Variants in DNAH9 observed in about 807,000 individuals in gnomAD.
DNAH9 encodes the protein dynein axonemal heavy chain 9, also known as DNAH9 variant protein.
In DNAH9, 345 loss-of-function variants were observed where a neutral mutation model predicts 471.6. That is an observed-to-expected ratio of 0.73 (90% confidence interval 0.67 to 0.80). The LOEUF is 0.80. DNAH9 is among the 30% of genes least tolerant of loss of function. The probability of loss-of-function intolerance (pLI) is 0.00; values close to 1 mark genes in which losing one functional copy is unlikely to be tolerated. For synonymous variants in DNAH9, 2,093 were observed against 2,123.6 expected (o/e 0.99, Z 0.40); for missense variants, 5,407 against 5,609.2 (o/e 0.96, Z 1.15).
intron 12 of DNAH9, among the ~76,000 whole-genome samples, chr17:11,650,661 C>T (rs929441806): frequency 6.6e-6 from 1 of 152,224 alleles, no homozygotes; most frequent in Non-Finnish European, 1.5e-5. Context: ...GAACTTGAGG[C>T]TTCTCATGAA....
chr17:11,791,607 A>T (rs1229540540), intron 41 of DNAH9, among the ~76,000 whole-genome samples: 1 of 152,142 alleles, frequency 6.6e-6, no homozygotes, highest in African/African-American at 2.4e-5. Context: ...ACTGTTCAGG[A>T]GGCTGAGGCA....
chr17:11,694,609 GCTTT>G (rs150400224), intron 22 of DNAH9, among the ~76,000 whole-genome samples, 162 bp downstream of exon 22: 1,409 of 7,704 alleles, frequency 0.18, 593 homozygotes, highest in Middle Eastern at 0.5. Context: ...GAGCTTTCTT[GCTTT>G]CTTGCTTTCT....
intron 57 of DNAH9, among the ~76,000 whole-genome samples, chr17:11,890,683 TG>T (rs1973020164): frequency 1.3e-5 from 2 of 152,178 alleles, no homozygotes; most frequent in Admixed American, 6.5e-5. Flanking sequence ...TTGTTTTTGT[TG>T]TTGTTGTTTT....
intron 7 of DNAH9, among the ~76,000 whole-genome samples, chr17:11,631,762 GA>G (rs1193426984): frequency 6.6e-6 from 1 of 151,818 alleles, no homozygotes; most frequent in Non-Finnish European, 1.5e-5. Context: ...AAACTAAGAA[GA>G]AACATGCCAA....
intron 56 of DNAH9, 29 bp downstream of exon 56, chr17:11,883,779 G>A (rs1410268140): frequency 6.2e-7 from 1 of 1,604,804 alleles, no homozygotes; most frequent in South Asian, 1.1e-5. Flanking sequence ...GTCTGGGAAG[G>A]CAGCCTAGGC....
chr17:11,948,782 T>C (rs927827199), intron 67 of DNAH9, among the ~76,000 whole-genome samples: 35 of 152,230 alleles, frequency 2.3e-4, no homozygotes, highest in African/African-American at 7.5e-4. Context: ...CCCAGTGTCT[T>C]AAACAAATGA....
chr17:11,881,175 G>A (rs1204935269), intron 54 of DNAH9, 34 bp from the exon 55 acceptor site: 2 of 1,611,236 alleles, frequency 1.2e-6, no homozygotes, highest in South Asian at 2.2e-5. Flanking sequence ...TTGCAGGAAG[G>A]CACCTTACCT....
chr17:11,749,752 T>G (rs1967071987), intron 32 of DNAH9, among the ~76,000 whole-genome samples: 1 of 152,124 alleles, frequency 6.6e-6, no homozygotes, highest in South Asian at 2.1e-4. Context: ...CCCTCTGAAT[T>G]TAAACACCAG....
intron 45 of DNAH9, among the ~76,000 whole-genome samples, chr17:11,810,589 A>G (rs753033613): frequency 1.3e-5 from 2 of 152,174 alleles, no homozygotes; most frequent in East Asian, 1.9e-4. Flanking sequence ...ACAGACAGTA[A>G]TCGTGGAGCT....
At chr17:11,699,996 G>A (rs1184523962) in intron 23 of DNAH9, 113 bp downstream of exon 23, 3 of 1,045,732 alleles carry the variant, frequency 2.9e-6, no homozygotes, top group Non-Finnish European at 4.2e-6. Flanking sequence ...CAGAGCTGCT[G>A]TCCATGCCCT....
chr17:11,759,279 C>T (rs1023941132), intron 35 of DNAH9, among the ~76,000 whole-genome samples: 3 of 151,838 alleles, frequency 2.0e-5, no homozygotes, highest in Admixed American at 2.0e-4. Flanking sequence ...CCCCTGCCAC[C>T]CTCCCACCTT....
intron 37 of DNAH9, 147 bp downstream of exon 37, chr17:11,768,773 G>A (rs1968076616): frequency 2.1e-5 from 21 of 997,556 alleles, no homozygotes; most frequent in Admixed American, 2.7e-5. Flanking sequence ...CAGAGGAGAT[G>A]ATGGGTGTAA....
At chr17:11,907,180 G>A (rs1973632181) in intron 61 of DNAH9, among the ~76,000 whole-genome samples, 1 of 152,084 alleles carries the variant, frequency 6.6e-6, no homozygotes, top group Non-Finnish European at 1.5e-5. Context: ...GACTTAAAGA[G>A]TCTGTCCTGG....
Position 11,711,939 on chromosome 17 carries a change from T to A in DNAH9, c.5552+6754T>A, listed in dbSNP as rs1326987970. Among the ~76,000 whole-genome samples, 134 of 17,630 alleles carry A rather than the reference T, an allele frequency of 7.6e-3. 29 individuals are homozygous for A. The highest frequency in any genetic ancestry group is 0.013 in the African/African-American group (50 of 3,704). 11.6% of individuals were successfully genotyped at this position (17,630 alleles called of 152,430 possible). A position where few individuals can be genotyped will look rare whatever the true frequency, so the allele number is the denominator to read the frequency against. On this transcript the variant is annotated intron_variant, in intron 26 of 68. Transcript: ENST00000262442. ...ATATTTATATATAAATATATATATT[T>A]GTATATATATTTATATATAAATATA...
chr17:11,678,142 C>G (rs901627031), intron 17 of DNAH9, among the ~76,000 whole-genome samples: 1 of 152,122 alleles, frequency 6.6e-6, no homozygotes, highest in Admixed American at 6.6e-5. Context: ...TGCAACCTCT[C>G]TGCCTCCCGG....
chr17:11,720,598 G>C (rs1045619350), intron 27 of DNAH9, among the ~76,000 whole-genome samples: 3 of 152,128 alleles, frequency 2.0e-5, no homozygotes, highest in African/African-American at 7.2e-5. Flanking sequence ...AAAGTCATGT[G>C]CTATATTGAC....
In DNAH9 at chr17:11,623,211, A is replaced by T. The variant is rs778781014; in HGVS notation, c.1350+3430A>T. Among the ~76,000 whole-genome samples the T allele has an allele frequency of 5.3e-5, 8 of 151,788 alleles. No homozygotes were observed. The highest frequency in any genetic ancestry group is 1.9e-4 in the East Asian group (1 of 5,136). On this transcript the variant is annotated intron_variant, in intron 6 of 68. Coordinates refer to ENST00000262442, the MANE Select transcript of DNAH9 (RefSeq NM_001372.4). The surrounding 1 kb of genome is among the most constrained non-coding windows in gnomAD (Gnocchi z 4.1). ...CTGGTCTTGAACTCCCAACCTCAGG[A>T]GATCCACCCAGCTTGGCCTCCCAAA...
In DNAH9 at chr17:11,743,893, G is replaced by A. The variant is rs566111102; in HGVS notation, c.6112-904G>A. On this transcript the variant is annotated intron_variant, in intron 30 of 68. Transcript: ENST00000262442. ...CGCCCAGGGTGGAGTGCAGTGGCGT[G>A]ATCTCGGCTCGCTGCAACCTCCGCC... 5.9e-4 allele frequency among the ~76,000 whole-genome samples: 89 copies of A among 151,148 alleles called. 1 individual carries two copies. Among genetic ancestry groups the A allele is most frequent in the Middle Eastern group, 6.8e-3 (2 of 294 alleles).
intron 44 of DNAH9, among the ~76,000 whole-genome samples, chr17:11,808,222 T>G (rs921006284): frequency 6.6e-6 from 1 of 152,222 alleles, no homozygotes; most frequent in African/African-American, 2.4e-5. Flanking sequence ...GATGGAATTC[T>G]GAAGGTCTGC....
Sources: allele counts gnomAD v4.1 joint callset (sites outside exome capture counted in the v4.1 genomes callset), GRCh38; gene constraint gnomAD v4.1.1; non-coding constraint Gnocchi (gnomAD v3.1); transcripts MANE v1.5; gene names NCBI Gene and HGNC (gene_info 2026-07-23, HGNC 2026-07-21).